The following GPR180 variants were observed in gnomAD, a reference collection of about 807,000 sequenced individuals.
GPR180 encodes integral membrane protein GPR180.
Under a neutral mutation model 52.6 loss-of-function variants are expected in GPR180, and 53 were observed. The ratio of observed to expected loss-of-function variants is 1.01; its 90% CI spans 0.81 to 1.27. GPR180 has a LOEUF of 1.27. GPR180 is among the 50% of genes most tolerant of loss of function. The pLI, the probability that GPR180 is intolerant of heterozygous loss-of-function variation, is 0.00. For missense variants in GPR180, 533 were observed against 527.0 expected (o/e 1.01, Z -0.11); for synonymous variants, 200 against 193.1 (o/e 1.04, Z -0.30).
At chr13:94,624,149 T>G (rs1429428475) in intron 7 of GPR180, among the ~76,000 whole-genome samples, 1 of 150,648 alleles carries the variant, frequency 6.6e-6, no homozygotes, top group Admixed American at 6.6e-5. Context: ...GCAAATTCAG[T>G]TTTTTTTCTA....
chr13:94,612,533 A>G, intron 3 of GPR180, 143 bp downstream of exon 3: 1 of 622,318 alleles, frequency 1.6e-6, no homozygotes. Flanking sequence ...TTCTTATAGC[A>G]TTTTGATAGC....
At chr13:94,616,324 T>C (rs1566979422) in intron 3 of GPR180, among the ~76,000 whole-genome samples, 2 of 152,208 alleles carry the variant, frequency 1.3e-5, no homozygotes. Context: ...TCTGATTGAT[T>C]TAGACTAATC....
Position 94,621,150 on chromosome 13 carries a change from G to A in GPR180, c.809G>A (p.Arg270Lys), listed in dbSNP as rs753925847. The A allele has an allele frequency of 8.7e-6, 14 of 1,612,700 alleles. No individual in the cohort carries two copies. The highest frequency in any genetic ancestry group is 1.2e-5 in the Non-Finnish European group (14 of 1,179,646). ...LSLCMGWTIV[R>K]MKKSQSRPLQ... ...CTATGCATGGGTTGGACAATAGTCA[G>A]AATGAAGAAGTCTCAAAGCAGACCT... The change falls in exon 6 of 9, where the codon AGA becomes AAA. Residue 270 changes from arginine (R) to lysine (K), a missense_variant. Physicochemically the swap from Arg to Lys is conservative, Grantham distance 26. Coordinates refer to ENST00000376958, the MANE Select transcript of GPR180 (RefSeq NM_180989.6).
chr13:94,618,331 G>A (rs1017778874), intron 3 of GPR180, among the ~76,000 whole-genome samples: 11 of 151,050 alleles, frequency 7.3e-5, no homozygotes, highest in African/African-American at 2.4e-4. Context: ...GAATTGTTAC[G>A]TTGTTGGCCC....
rs1889982519 is a variant in GPR180, at chr13:94,630,563, C to G, written c.*3392C>G. The G allele has an allele frequency of 6.6e-6, 1 of 152,258 alleles. No individual in the cohort carries two copies. The highest frequency in any genetic ancestry group is 6.5e-5 in the Admixed American group (1 of 15,278). 9.4% of individuals were successfully genotyped at this position (152,258 alleles called of 1,614,324 possible). On this transcript the variant is annotated 3_prime_UTR_variant, in exon 9 of 9. Transcript: ENST00000376958. ...TAGGAAAAGAAGTCCTCACTCATTA[C>G]TATGTTCTGCAAGGCCCATATGATC... is the stretch of plus-strand genomic sequence containing the variant.
chr13:94,626,173 A>G (rs1345719270), intron 8 of GPR180, 130 bp downstream of exon 8: 1 of 543,426 alleles, frequency 1.8e-6, no homozygotes, highest in East Asian at 3.1e-5. Context: ...TTGAAACAAA[A>G]TAGTAAACCA....
At chr13:94,624,799 C>T (rs1204081784) in intron 7 of GPR180, among the ~76,000 whole-genome samples, 1 of 152,184 alleles carries the variant, frequency 6.6e-6, no homozygotes, top group Non-Finnish European at 1.5e-5. Flanking sequence ...GCCTTGGCCT[C>T]CCAAAGTGCT....
At position 94,601,865 on chromosome 13, in the gene GPR180, A is replaced by T; in HGVS notation, c.-63A>T. On this transcript the variant is annotated 5_prime_UTR_variant, in exon 1 of 9. Transcript: ENST00000376958. ...CCCACCCCGCCTCCCCCAGCTGCCG[A>T]CGTGGGGCGGGCAGCCGCCGGCGGC... 1 of 1,325,094 alleles carries T rather than the reference A, an allele frequency of 7.5e-7. No homozygotes were observed. The highest frequency in any genetic ancestry group is 9.7e-7 in the Non-Finnish European group (1 of 1,035,006). The allele number at this position is 1,325,094 out of a possible 1,614,324, so 82.1% of individuals were successfully genotyped here. A position where few individuals can be genotyped will look rare whatever the true frequency, so the allele number is the denominator to read the frequency against.
At chr13:94,626,809 A>G (rs1027113735) in intron 8 of GPR180, among the ~76,000 whole-genome samples, 13 of 152,166 alleles carry the variant, frequency 8.5e-5, no homozygotes, top group Non-Finnish European at 1.3e-4. Flanking sequence ...CATCTACAAA[A>G]TAACTGTTAA....
At chr13:94,607,204 T>G (rs950629993) in intron 2 of GPR180, among the ~76,000 whole-genome samples, 1 of 152,262 alleles carries the variant, frequency 6.6e-6, no homozygotes, top group African/African-American at 2.4e-5. Context: ...TAAATATCTC[T>G]TGAATTCATC....
At chr13:94,626,199 T>C (rs574448918) in intron 8 of GPR180, among the ~76,000 whole-genome samples, 156 bp downstream of exon 8, 1 of 152,292 alleles carries the variant, frequency 6.6e-6, no homozygotes, top group Admixed American at 6.5e-5. Context: ...CAGATAAATT[T>C]GAAGTTTAAA....
chr13:94,615,462 G>T (rs1210710383), intron 3 of GPR180, among the ~76,000 whole-genome samples: 1 of 152,076 alleles, frequency 6.6e-6, no homozygotes, highest in African/African-American at 2.4e-5. Context: ...TTCATAATTT[G>T]TTTTCTTTCA....
intron 1 of GPR180, among the ~76,000 whole-genome samples, chr13:94,603,329 G>A (rs1278376726): frequency 6.6e-6 from 1 of 152,166 alleles, no homozygotes; most frequent in Non-Finnish European, 1.5e-5. Context: ...TATAGAAGAC[G>A]TGGGTTATTA....
At chr13:94,618,897 C>T (rs1566980301) in intron 3 of GPR180, among the ~76,000 whole-genome samples, 1 of 151,938 alleles carries the variant, frequency 6.6e-6, no homozygotes. Context: ...CTTTGGGTTC[C>T]CCTGACCATT....
rs577250064 is a variant in GPR180, at chr13:94,615,596, T to C, written c.505+3206T>C. Among the ~76,000 whole-genome samples the C allele has an allele frequency of 7.9e-5, 12 of 152,340 alleles. No individual in the cohort carries two copies. In the South Asian group the frequency reaches 2.1e-3, roughly 26 times the overall value. On this transcript the variant is annotated intron_variant, in intron 3 of 8. Coordinates refer to ENST00000376958, the MANE Select transcript of GPR180 (RefSeq NM_180989.6). Reference sequence around the variant, plus strand: ...GACAAAGTACTAAATAGGATTATAATATTTTAAGGTACAATGAAATAAAAC... The same window carrying C: ...GACAAAGTACTAAATAGGATTATAACATTTTAAGGTACAATGAAATAAAAC...
intron 2 of GPR180, among the ~76,000 whole-genome samples, chr13:94,610,185 T>C (rs1376885411): frequency 1.3e-5 from 2 of 152,156 alleles, no homozygotes; most frequent in Non-Finnish European, 2.9e-5. Context: ...AGTAAAGAAA[T>C]TCATCTGTTT....
At position 94,631,218 on chromosome 13, in the gene GPR180, A is replaced by G. The variant is rs1455758727; in HGVS notation, c.*4047A>G. The G allele has an allele frequency of 2.0e-5, 3 of 152,130 alleles. No homozygotes were observed. Among genetic ancestry groups the G allele is most frequent in the African/African-American group, 7.2e-5 (3 of 41,430 alleles). 9.4% of individuals were successfully genotyped at this position (152,130 alleles called of 1,614,324 possible). A position where few individuals can be genotyped will look rare whatever the true frequency, so the allele number is the denominator to read the frequency against. ...GGATTAGAGGCAGGGAGAGACCTGT[A>G]TGGCTTCCAGTCCATCCTCACAAGT... On this transcript the variant is annotated 3_prime_UTR_variant, in exon 9 of 9. Coordinates refer to ENST00000376958, the MANE Select transcript of GPR180 (RefSeq NM_180989.6).
intron 6 of GPR180, among the ~76,000 whole-genome samples, chr13:94,622,566 A>G (rs1476439184): frequency 6.6e-6 from 1 of 152,194 alleles, no homozygotes; most frequent in African/African-American, 2.4e-5. Flanking sequence ...GAATATGTAA[A>G]AATATGAACC....
intron 6 of GPR180, 95 bp downstream of exon 6, chr13:94,621,330 G>T (rs1477419668): frequency 3.1e-6 from 3 of 976,006 alleles, no homozygotes; most frequent in African/African-American, 3.4e-5. Flanking sequence ...GACCCATAAG[G>T]AATTTGTGTC....
Sources: gnomAD v4.1 joint callset for allele counts (sites outside exome capture counted in the v4.1 genomes callset) on GRCh38, gnomAD v4.1.1 for gene constraint, MANE v1.5 for transcripts, NCBI Gene and HGNC (gene_info 2026-07-23, HGNC 2026-07-21) for gene names.